Variants in DEF6 observed in about 807,000 individuals in gnomAD.
The protein encoded by DEF6 is differentially expressed in FDCP 6 homolog.
In DEF6, 32 loss-of-function variants were observed where a neutral mutation model predicts 80.5. That is an observed-to-expected ratio of 0.40 (90% CI 0.30 to 0.53). The LOEUF is 0.53. DEF6 is among the 20% of genes least tolerant of loss of function. The probability of loss-of-function intolerance (pLI) is 0.57; values close to 1 mark genes in which losing one functional copy is unlikely to be tolerated. For synonymous variants in DEF6, 300 were observed against 337.9 expected (o/e 0.89, Z 1.23); for missense variants, 575 against 818.7 (o/e 0.70, Z 3.63).
rs1196921120 is a variant in DEF6, at chr6:35,319,482, C to A, written c.1216-42C>A. 8 of 1,573,934 alleles carry A rather than the reference C, an allele frequency of 5.1e-6. No individual in the cohort carries two copies. The highest frequency in any genetic ancestry group is 6.9e-6 in the Non-Finnish European group (8 of 1,157,524). ...CCTCCTCCTCCGCCCCCACGTGCCCCTTTTGACCTGGCTCTTGGTCCACCA... is the reference window on the plus strand; with the variant it reads ...CCTCCTCCTCCGCCCCCACGTGCCCATTTTGACCTGGCTCTTGGTCCACCA... On this transcript the variant is annotated intron_variant, in intron 7 of 10. Transcript: ENST00000316637. This position sits in a 1 kb window ranked among gnomAD's most constrained non-coding sequence, Gnocchi z 4.5.
At chr6:35,315,622 T>C (rs1791516315) in intron 5 of DEF6, among the ~76,000 whole-genome samples, 1 of 152,144 alleles carries the variant, frequency 6.6e-6, no homozygotes, top group African/African-American at 2.4e-5. Context: ...CTTCAATTTA[T>C]TTCATCAGTT....
chr6:35,313,244 T>C (rs1424828339), intron 5 of DEF6: 1 of 370,074 alleles, frequency 2.7e-6, no homozygotes, highest in Non-Finnish European at 5.1e-6. Flanking sequence ...TTAAATAATA[T>C]GTATATATGT....
rs150604825 is a variant in DEF6 at position 35,310,532 on chromosome 6, G to A, written c.311G>A (p.Arg104Gln). 11 of 1,614,110 alleles carry A rather than the reference G, an allele frequency of 6.8e-6. No homozygotes were observed. Among genetic ancestry groups the A allele is most frequent in the South Asian group, 6.6e-5 (6 of 91,084 alleles). Residue 104 changes from arginine to glutamine, a missense_variant, in exon 3 of 11, where the codon CGG becomes CAG. Physicochemically the swap from Arg to Gln is conservative, Grantham distance 43. Transcript: ENST00000316637. The stretch of plus-strand genomic sequence containing the variant: ...ACGCTGACGGCCAAGAAGAACTATC[G>A]GGCAGATAGCAACGGGAACAGTATG... ...CWTLTAKKNY[R>Q]ADSNGNSMLS...
intron 1 of DEF6, among the ~76,000 whole-genome samples, chr6:35,308,717 TAAAA>T (rs1562147977): frequency 1.0e-5 from 1 of 98,028 alleles, no homozygotes; most frequent in African/African-American, 3.2e-5. Flanking sequence ...TAAAATAAAA[TAAAA>T]TAAAATAAAT....
At chr6:35,320,463 C>T (rs947410829) in intron 9 of DEF6, among the ~76,000 whole-genome samples, 14 of 152,216 alleles carry the variant, frequency 9.2e-5, no homozygotes, top group Non-Finnish European at 1.3e-4. Context: ...CTAATGGCTC[C>T]GTGAAATGTT....
chr6:35,308,816 G>A (rs1791427322), intron 1 of DEF6, among the ~76,000 whole-genome samples: 1 of 152,126 alleles, frequency 6.6e-6, no homozygotes, highest in Admixed American at 6.5e-5. Flanking sequence ...TATGGTAAGT[G>A]TGCAATAGTA....
intron 1 of DEF6, 134 bp downstream of exon 1, chr6:35,298,086 G>A: frequency 1.3e-6 from 1 of 791,222 alleles, no homozygotes; most frequent in South Asian, 1.6e-5. Flanking sequence ...GGGGTCGGGG[G>A]GCTGGTCCTG....
intron 1 of DEF6, among the ~76,000 whole-genome samples, chr6:35,308,717 TAA>T (rs869181946): frequency 1.0e-5 from 1 of 98,028 alleles, no homozygotes; most frequent in African/African-American, 3.2e-5. Context: ...TAAAATAAAA[TAA>T]AATAAAATAA....
rs192597351 is a variant in DEF6, at chr6:35,313,425, A to G, written c.807+653A>G. On this transcript the variant is annotated intron_variant, in intron 5 of 10. Coordinates refer to ENST00000316637, the MANE Select transcript of DEF6 (RefSeq NM_022047.4). ...TATTTTATAAAAATCAAATCATGTC[A>G]TTAGGTATCCTTTACCTCAAATATT... is the stretch of plus-strand genomic sequence containing the variant. 7 of 345,352 alleles carry G rather than the reference A, an allele frequency of 2.0e-5. No homozygotes were observed. The East Asian group carries it at 5.7e-4, about 28-fold the overall frequency. The allele number at this position is 345,352 out of a possible 1,614,324, so 21.4% of individuals were successfully genotyped here.
In DEF6 at chr6:35,312,747, C is replaced by T. The variant is rs528442740; in HGVS notation, c.782C>T (p.Pro261Leu). Residue 261 changes from proline to leucine, a missense_variant, in exon 5 of 11, where the codon CCG (proline) becomes CTG (leucine). Coordinates refer to ENST00000316637, the MANE Select transcript of DEF6 (RefSeq NM_022047.4). The surrounding 1 kb of genome is among the most constrained non-coding windows in gnomAD (Gnocchi z 6.6). ...TGCAAAGAGAAAAGGGGCATTATCC[C>T]GCTGGATGCACACTGCTGCGTGGAG... The part of the protein sequence containing the change: ...EECKEKRGII[P>L]LDAHCCVEVL... 2.4e-4 allele frequency: 383 copies of T among 1,612,160 alleles called. 4 individuals carry two copies. The South Asian group carries it at 2.5e-3, about 10-fold the overall frequency.
intron 1 of DEF6, among the ~76,000 whole-genome samples, chr6:35,308,394 C>G (rs955108637): frequency 6.6e-6 from 1 of 151,500 alleles, no homozygotes; most frequent in Non-Finnish European, 1.5e-5. Context: ...AAGTTTTGGC[C>G]GGGCATGGTG....
rs918591484 is a variant in DEF6 at position 35,298,298 on chromosome 6, A to G, written c.96+346A>G. ...TGAGCACACACACCTCCACAGAGTC[A>G]TGCTTGGGCACGCAGTGTGCTCTTT... On this transcript the variant is annotated intron_variant, in intron 1 of 10. Transcript: ENST00000316637. Among the ~76,000 whole-genome samples, 79 of 152,358 alleles carry G rather than the reference A, an allele frequency of 5.2e-4. 1 individual carries two copies. Among genetic ancestry groups the G allele is most frequent in the African/African-American group, 1.8e-3 (75 of 41,590 alleles).
At chr6:35,298,129 G>T (rs555047943) in intron 1 of DEF6, among the ~76,000 whole-genome samples, 177 bp downstream of exon 1, 1 of 152,210 alleles carries the variant, frequency 6.6e-6, no homozygotes, top group Non-Finnish European at 1.5e-5. Context: ...GGTAGATGCC[G>T]CTGCCCACCC....
intron 1 of DEF6, among the ~76,000 whole-genome samples, chr6:35,298,637 C>T (rs569210278): frequency 1.3e-5 from 2 of 152,310 alleles, no homozygotes; most frequent in African/African-American, 4.8e-5. Context: ...GTCCTGAAGT[C>T]AATCATCTGG....
chr6:35,298,321 T>C (rs1201135316), intron 1 of DEF6, among the ~76,000 whole-genome samples: 1 of 152,210 alleles, frequency 6.6e-6, no homozygotes, highest in East Asian at 1.9e-4. Context: ...CAGTGTGCTC[T>C]TTCTTGCTGC....
In DEF6 at chr6:35,321,769, G is replaced by A. The variant is rs905636096; in HGVS notation, c.*359G>A. 1 of 191,114 alleles carries A rather than the reference G, an allele frequency of 5.2e-6. No individual in the cohort carries two copies. The highest frequency in any genetic ancestry group is 2.3e-5 in the African/African-American group (1 of 42,714). 11.8% of individuals were successfully genotyped at this position (191,114 alleles called of 1,614,324 possible). On this transcript the variant is annotated 3_prime_UTR_variant, in exon 11 of 11. Transcript: ENST00000316637. ...TCTAAATAAAAACTGCTCTTAGAAT[G>A]AATTATTGGCTCAGGTCTGTCCATC...
At chr6:35,298,988 A>G (rs1791278135) in intron 1 of DEF6, among the ~76,000 whole-genome samples, 1 of 152,156 alleles carries the variant, frequency 6.6e-6, no homozygotes, top group Admixed American at 6.5e-5. Context: ...GGTGCTGGAT[A>G]CCTGAGAGAT....
Position 35,318,589 on chromosome 6 carries a change from C to A in DEF6, c.1215+118C>A. The A allele has an allele frequency of 1.0e-6, 1 of 997,632 alleles. No homozygotes were observed. The highest frequency in any genetic ancestry group is 1.3e-6 in the Non-Finnish European group (1 of 751,778). 61.8% of individuals were successfully genotyped at this position (997,632 alleles called of 1,614,324 possible). A position where few individuals can be genotyped will look rare whatever the true frequency, so the allele number is the denominator to read the frequency against. ...GAGCTCCTGGGTTGAGGGGCGTGCA[C>A]TGGGGTGGAGCTTGAAATGAGGGAT... On this transcript the variant is annotated intron_variant, in intron 7 of 10. Coordinates refer to ENST00000316637, the MANE Select transcript of DEF6 (RefSeq NM_022047.4). This position sits in a 1 kb window ranked among gnomAD's most constrained non-coding sequence, Gnocchi z 5.1.
intron 5 of DEF6, among the ~76,000 whole-genome samples, chr6:35,314,133 C>T (rs1459989656): frequency 2.0e-5 from 3 of 152,136 alleles, no homozygotes; most frequent in South Asian, 2.1e-4. Flanking sequence ...CTTGGCCAGG[C>T]GCAGTGGCTC....
Sources: gnomAD v4.1 joint callset for allele counts (sites outside exome capture counted in the v4.1 genomes callset) on GRCh38, gnomAD v4.1.1 for gene constraint, Gnocchi (gnomAD v3.1) non-coding constraint, MANE v1.5 for transcripts, NCBI Gene and HGNC (gene_info 2026-07-23, HGNC 2026-07-21) for gene names.